LMNB1: variants seen among roughly 807,000 people sequenced by gnomAD.
LMNB1 encodes lamin-B1.
LMNB1 carries 23 observed loss-of-function variants against 67.1 expected under a neutral mutation model. The observed-to-expected ratio is 0.34, with a 90% CI of 0.25 to 0.49. The LOEUF is 0.49. Ranked by LOEUF, LMNB1 falls within the 20% of genes least tolerant of loss-of-function variation. The pLI is 0.99. For missense variants in LMNB1, 634 were observed against 746.5 expected, an observed-to-expected ratio of 0.85 and a Z score of 1.76; for synonymous variants, 281 against 282.9, an observed-to-expected ratio of 0.99 and a Z score of 0.07.
chr5:126,836,607 G>C lies in LMNB1; in HGVS notation c.*343G>C, dbSNP rs547972747. 23 of 351,056 alleles carry C rather than the reference G, an allele frequency of 6.6e-5. 1 individual carries two copies. The highest frequency in any genetic ancestry group is 4.6e-4 in the African/African-American group (22 of 47,566). The allele number at this position is 351,056 out of a possible 1,614,324, so 21.7% of individuals were successfully genotyped here. On this transcript the variant is annotated 3_prime_UTR_variant, in exon 11 of 11. Coordinates refer to ENST00000261366, the MANE Select transcript of LMNB1 (RefSeq NM_005573.4). ...GGGTAAATAAACCACTGTGCGTCTTGGTGTAATTTGAAGATTGCCCCATCT... is the reference window on the plus strand; with the variant it reads ...GGGTAAATAAACCACTGTGCGTCTTCGTGTAATTTGAAGATTGCCCCATCT...
Position 126,801,531 on chromosome 5 carries a change from G to A in LMNB1, c.360-3245G>A, listed in dbSNP as rs569145788. ...GCCTTGGGTTAATTTTTGGCTTCTT[G>A]TGTTTTCTACACTCCACAAGATGTT... On this transcript the variant is annotated intron_variant, in intron 1 of 10. Coordinates refer to ENST00000261366, the MANE Select transcript of LMNB1 (RefSeq NM_005573.4). Among the ~76,000 whole-genome samples the A allele has an allele frequency of 2.6e-5, 4 of 152,156 alleles. No homozygotes were observed. In the South Asian group the frequency reaches 8.3e-4, roughly 32 times the overall value.
chr5:126,825,074 A>G (rs1470179182), intron 8 of LMNB1, among the ~76,000 whole-genome samples: 1 of 152,168 alleles, frequency 6.6e-6, no homozygotes, highest in African/African-American at 2.4e-5. Context: ...CAATGTATGG[A>G]TTACAAACTT....
At chr5:126,776,806 C>T (rs980285281), upstream of LMNB1, 3 of 152,206 alleles carry the variant, frequency 2.0e-5, no homozygotes, top group Admixed American at 2.0e-4. Context: ...TCCAAGGGGT[C>T]CCCGCGGGGC....
chr5:126,822,473 A>G (rs978690259), intron 7 of LMNB1, among the ~76,000 whole-genome samples: 7 of 152,234 alleles, frequency 4.6e-5, no homozygotes, highest in Non-Finnish European at 7.3e-5. Flanking sequence ...ACAGCTAGAT[A>G]GTGCTGTAAA....
rs1285073193 is a variant in LMNB1, at chr5:126,787,549, T to A, written c.359+9682T>A. 2.9e-3 allele frequency among the ~76,000 whole-genome samples: 353 copies of A among 120,234 alleles called. 4 individuals carry two copies. Among genetic ancestry groups the A allele is most frequent in the African/African-American group, 9.0e-3 (285 of 31,498 alleles). The allele number at this position is 120,234 out of a possible 152,430, so 78.9% of individuals were successfully genotyped here. Reference sequence around the variant, plus strand: ...GTATATATATATATATATATATATTTTTTTTTTTTTTTTTTGAGATAGAGT... The same window carrying A: ...GTATATATATATATATATATATATTATTTTTTTTTTTTTTTGAGATAGAGT... On this transcript the variant is annotated intron_variant, in intron 1 of 10. Transcript: ENST00000261366.
At position 126,826,047 on chromosome 5, in the gene LMNB1, C is replaced by T. The variant is rs1243271072; in HGVS notation, c.1551C>T (p.Asn517=). 4 of 1,614,022 alleles carry T rather than the reference C, an allele frequency of 2.5e-6. No homozygotes were observed. Among genetic ancestry groups the T allele is most frequent in the Non-Finnish European group, 8.5e-7 (1 of 1,179,954 alleles). Residue 517 remains asparagine, a synonymous_variant, in exon 9 of 11, where the codon AAC becomes AAT. Transcript: ENST00000261366. ...CCCCAACTGACCTCATCTGGAAGAACCAGAACTCGTGGGGCACTGGCGAAG... is the reference window on the plus strand; with the variant it reads ...CCCCAACTGACCTCATCTGGAAGAATCAGAACTCGTGGGGCACTGGCGAAG... ...ASPPTDLIWK[N]QNSWGTGEDV... is the part of the protein sequence containing the mutation.
intron 1 of LMNB1, among the ~76,000 whole-genome samples, chr5:126,787,044 AG>A (rs1342380720): frequency 1.3e-5 from 2 of 152,204 alleles, no homozygotes; most frequent in Admixed American, 1.3e-4. Flanking sequence ...TTTGTGGAAC[AG>A]GTACTATATG....
In LMNB1 at chr5:126,836,448, C is replaced by T; in HGVS notation, c.*184C>T. 1 of 515,386 alleles carries T rather than the reference C, an allele frequency of 1.9e-6. No homozygotes were observed. The highest frequency in any genetic ancestry group is 3.4e-6 in the Non-Finnish European group (1 of 290,258). 31.9% of individuals were successfully genotyped at this position (515,386 alleles called of 1,614,324 possible). A position where few individuals can be genotyped will look rare whatever the true frequency, so the allele number is the denominator to read the frequency against. On this transcript the variant is annotated 3_prime_UTR_variant, in exon 11 of 11. Coordinates refer to ENST00000261366, the MANE Select transcript of LMNB1 (RefSeq NM_005573.4). ...TTTTGTAAAAGAAATCATGTCCATA[C>T]ACTTTGTTGCAAGATGTGAATTATT...
chr5:126,782,631 C>A (rs1750658799), intron 1 of LMNB1, among the ~76,000 whole-genome samples: 1 of 152,018 alleles, frequency 6.6e-6, no homozygotes, highest in South Asian at 2.1e-4. Context: ...CTCACTGCAA[C>A]CTCTGCCTCC....
chr5:126,786,227 A>C (rs1243326511), intron 1 of LMNB1, among the ~76,000 whole-genome samples: 1 of 144,438 alleles, frequency 6.9e-6, no homozygotes, highest in Non-Finnish European at 1.5e-5. Context: ...AGTTCACGCC[A>C]TTCTCCTGCC....
chr5:126,795,188 A>G lies in LMNB1; in HGVS notation c.360-9588A>G, dbSNP rs1580532436. Reference sequence around the variant, plus strand: ...TGTTGCCCAGAGCGACAGTGGCTGGAGTGCCGTGGCATGACCACAGCTCAC... The same window carrying G: ...TGTTGCCCAGAGCGACAGTGGCTGGGGTGCCGTGGCATGACCACAGCTCAC... On this transcript the variant is annotated intron_variant, in intron 1 of 10. Transcript: ENST00000261366. 3.7e-5 allele frequency among the ~76,000 whole-genome samples: 5 copies of G among 135,886 alleles called. 1 individual carries two copies. The South Asian group carries it at 1.2e-3, about 32-fold the overall frequency. 89.1% of individuals were successfully genotyped at this position (135,886 alleles called of 152,430 possible). A position where few individuals can be genotyped will look rare whatever the true frequency, so the allele number is the denominator to read the frequency against.
intron 1 of LMNB1, among the ~76,000 whole-genome samples, chr5:126,794,551 G>C (rs1751042665): frequency 6.6e-6 from 1 of 152,206 alleles, no homozygotes; most frequent in Admixed American, 6.5e-5. Context: ...TGAGCTCTGG[G>C]TGTGAAGAGA....
chr5:126,794,683 T>C (rs1305787009), intron 1 of LMNB1, among the ~76,000 whole-genome samples: 1 of 152,206 alleles, frequency 6.6e-6, no homozygotes, highest in African/African-American at 2.4e-5. Flanking sequence ...GAACAGAGCT[T>C]AGCCAGCTAG....
At chr5:126,834,189 G>A (rs186588200) in intron 10 of LMNB1, among the ~76,000 whole-genome samples, 14 of 152,160 alleles carry the variant, frequency 9.2e-5, no homozygotes, top group Admixed American at 7.9e-4. Flanking sequence ...AGTAAGTGGA[G>A]GGTACAGGTT....
chr5:126,806,175 G>T (rs749697484), intron 3 of LMNB1, among the ~76,000 whole-genome samples: 1 of 152,024 alleles, frequency 6.6e-6, no homozygotes, highest in Non-Finnish European at 1.5e-5. Context: ...GGGTGGTCTC[G>T]ATCTCCTGAC....
chr5:126,780,943 C>G (rs1007561560), intron 1 of LMNB1, among the ~76,000 whole-genome samples: 1 of 151,982 alleles, frequency 6.6e-6, no homozygotes, highest in Admixed American at 6.6e-5. Flanking sequence ...TGCTTTCTTC[C>G]CTAGAGTTCT....
At chr5:126,822,106 C>T (rs1751885448) in intron 7 of LMNB1, among the ~76,000 whole-genome samples, 1 of 151,088 alleles carries the variant, frequency 6.6e-6, no homozygotes, top group Admixed American at 6.6e-5. Flanking sequence ...AGAGATTCTC[C>T]TGCCTCAGCC....
chr5:126,784,207 T>G (rs1034413268), intron 1 of LMNB1, among the ~76,000 whole-genome samples: 2 of 150,784 alleles, frequency 1.3e-5, no homozygotes, highest in Non-Finnish European at 3.0e-5. Flanking sequence ...TATTTTTTTT[T>G]TAATAGACTT....
chr5:126,819,067 A>G lies in LMNB1; in HGVS notation c.1085A>G (p.Gln362Arg), dbSNP rs1713399606. The change falls in exon 6 of 11, where the codon CAG becomes CGG. Residue 362 changes from glutamine (Q) to arginine (R), a missense_variant. By Grantham distance (43) the Gln-to-Arg change is conservative (BLOSUM62 1). Coordinates refer to ENST00000261366, the MANE Select transcript of LMNB1 (RefSeq NM_005573.4). ...CAGCAACAGCTGAATGACTATGAAC[A>G]GCTTCTTGATGTAAAGTTAGCCCTG... ...QMQQQLNDYE[Q>R]LLDVKLALDM... 1 of 1,614,112 alleles carries G rather than the reference A, an allele frequency of 6.2e-7. No homozygotes were observed. The highest frequency in any genetic ancestry group is 1.3e-5 in the African/African-American group (1 of 74,948).
Sources: allele counts gnomAD v4.1 joint callset (sites outside exome capture counted in the v4.1 genomes callset), GRCh38; gene constraint gnomAD v4.1.1; transcripts MANE v1.5; gene names NCBI Gene and HGNC (gene_info 2026-07-23, HGNC 2026-07-21).